The following SSPN variants were observed in gnomAD, a reference collection of about 807,000 sequenced individuals.
SSPN encodes the protein K-ras oncogene-associated protein.
SSPN carries 15 observed loss-of-function variants against 19.1 expected under a neutral mutation model. That is an observed-to-expected ratio of 0.78 (90% CI 0.52 to 1.21). SSPN has a LOEUF of 1.21. Among genes scored for constraint, SSPN ranks in the 50% most tolerant of loss-of-function variants. SSPN has a pLI of 0.00. For synonymous variants in SSPN, 147 were observed against 140.3 expected (o/e 1.05, Z -0.34); for missense variants, 291 against 314.0 (o/e 0.93, Z 0.55).
rs1411054115 is a variant in SSPN, at chr12:26,152,191, G to A, written c.-31+30039G>A. On this transcript the variant is annotated intron_variant, in intron 1 of 2. Transcript: ENST00000538142. ...TCCATGGTGTAAATACTCCCACCGT[G>A]GCTAATTTAAAGCAACCGATGTGAG... 1.2e-4 allele frequency among the ~76,000 whole-genome samples: 19 copies of A among 152,082 alleles called. 1 individual carries two copies. Among genetic ancestry groups the A allele is most frequent in the Non-Finnish European group, 2.9e-5 (2 of 68,022 alleles).
Position 26,231,890 on chromosome 12 carries a change from G to T in SSPN, c.*814G>T, listed in dbSNP as rs1000184821. 2 of 942,992 alleles carry T rather than the reference G, an allele frequency of 2.1e-6. No individual in the cohort carries two copies. Among genetic ancestry groups the T allele is most frequent in the African/African-American group, 3.6e-5 (2 of 56,316 alleles). The allele number at this position is 942,992 out of a possible 1,614,324, so 58.4% of individuals were successfully genotyped here. ...TAATTGTTAATTATAATTATGCTCAGAAGTCTATTTAATGAGCTCTGACTG... is the reference window on the plus strand; with the variant it reads ...TAATTGTTAATTATAATTATGCTCATAAGTCTATTTAATGAGCTCTGACTG... On this transcript the variant is annotated 3_prime_UTR_variant, in exon 3 of 3. Coordinates refer to ENST00000242729, the MANE Select transcript of SSPN (RefSeq NM_005086.5).
At chr12:26,125,700 G>T (rs1384836948) in intron 1 of SSPN, 1 of 152,150 alleles carries the variant, frequency 6.6e-6, no homozygotes, top group Non-Finnish European at 1.5e-5. Flanking sequence ...AGCCGGAATT[G>T]CGGTGCCACT....
At chr12:26,124,492 T>C (rs1944344962) in intron 1 of SSPN, 4 of 1,606,742 alleles carry the variant, frequency 2.5e-6, no homozygotes, top group African/African-American at 2.7e-5. Context: ...ATGCAGGTTA[T>C]GAGGAATATC....
chr12:26,174,098 A>G (rs1468070022), intron 1 of SSPN, among the ~76,000 whole-genome samples: 1 of 152,210 alleles, frequency 6.6e-6, no homozygotes, highest in East Asian at 1.9e-4. Context: ...TCAGTCACCA[A>G]GAAGATAAAT....
chr12:26,196,802 C>G (rs1377095240), intron 1 of SSPN, among the ~76,000 whole-genome samples: 1 of 152,200 alleles, frequency 6.6e-6, no homozygotes, highest in Non-Finnish European at 1.5e-5. Flanking sequence ...GAACCCAGGC[C>G]AGACTCACCC....
At chr12:26,203,899 AGAG>A (rs1944907697) in intron 1 of SSPN, among the ~76,000 whole-genome samples, 1 of 152,172 alleles carries the variant, frequency 6.6e-6, no homozygotes, top group Non-Finnish European at 1.5e-5. Flanking sequence ...ATGCATGTGA[AGAG>A]AAGAAGAGAT....
chr12:26,203,988 T>A (rs1591879210), intron 1 of SSPN, among the ~76,000 whole-genome samples: 1 of 152,316 alleles, frequency 6.6e-6, no homozygotes, highest in East Asian at 1.9e-4. Context: ...TTATTTAACC[T>A]TAATTACCTC....
At chr12:26,158,716 G>C (rs1400949115) in intron 1 of SSPN, among the ~76,000 whole-genome samples, 1 of 152,280 alleles carries the variant, frequency 6.6e-6, no homozygotes, top group Non-Finnish European at 1.5e-5. Context: ...TCCTGCAGCA[G>C]ACCCCTGGAA....
At chr12:26,212,724 C>T (rs1945003038) in intron 1 of SSPN, among the ~76,000 whole-genome samples, 1 of 151,984 alleles carries the variant, frequency 6.6e-6, no homozygotes, top group African/African-American at 2.4e-5. Flanking sequence ...GAAAATCTTC[C>T]AGATATATCA....
chr12:26,189,784 C>T (rs1944776697), intron 1 of SSPN, among the ~76,000 whole-genome samples: 1 of 152,138 alleles, frequency 6.6e-6, no homozygotes, highest in Non-Finnish European at 1.5e-5. Context: ...AAAAGGTAAC[C>T]AATGACCACC....
intron 1 of SSPN, among the ~76,000 whole-genome samples, chr12:26,201,009 GTGTATA>G (rs1375173661): frequency 1.3e-4 from 6 of 47,384 alleles, no homozygotes; most frequent in South Asian, 6.5e-4. Flanking sequence ...AAGTTAATTT[GTGTATA>G]TATATATATA....
intron 1 of SSPN, among the ~76,000 whole-genome samples, chr12:26,175,424 A>G (rs542844129): frequency 5.9e-5 from 9 of 152,264 alleles, no homozygotes; most frequent in African/African-American, 2.2e-4. Context: ...AGTTCTTTAT[A>G]TATTCTGGAT....
In SSPN at chr12:26,233,514, C is replaced by T. The variant is rs774289562; in HGVS notation, c.*2438C>T. The T allele has an allele frequency of 6.6e-6, 1 of 152,102 alleles. No individual in the cohort carries two copies. The allele number at this position is 152,102 out of a possible 1,614,324, so 9.4% of individuals were successfully genotyped here. On this transcript the variant is annotated 3_prime_UTR_variant, in exon 3 of 3. Coordinates refer to ENST00000242729, the MANE Select transcript of SSPN (RefSeq NM_005086.5). The surrounding 1 kb of genome is among the most constrained non-coding windows in gnomAD (Gnocchi z 4.3). Reference sequence around the variant, plus strand: ...AGAAAAGATCCCTTTGCTATGAGCTCGCTGTATATTGATAAGTGTAAGAAT... The same window carrying T: ...AGAAAAGATCCCTTTGCTATGAGCTTGCTGTATATTGATAAGTGTAAGAAT...
chr12:26,198,435 T>C (rs1440909677), intron 1 of SSPN, among the ~76,000 whole-genome samples: 2 of 152,224 alleles, frequency 1.3e-5, no homozygotes, highest in African/African-American at 4.8e-5. Context: ...AGAATGATAA[T>C]AATTCCTACC....
chr12:26,196,050 C>G (rs988075252), intron 1 of SSPN, 99 bp downstream of exon 1: 14 of 1,018,456 alleles, frequency 1.4e-5, no homozygotes, highest in Non-Finnish European at 1.7e-5. Context: ...TGCCCTTCCC[C>G]GGGTTCACTC....
intron 1 of SSPN, among the ~76,000 whole-genome samples, chr12:26,188,241 A>G (rs1199521584): frequency 6.6e-6 from 1 of 152,214 alleles, no homozygotes; most frequent in Non-Finnish European, 1.5e-5. Context: ...TGTACTCATA[A>G]CCACATAAAA....
At chr12:26,179,723 G>A (rs1944706386) in intron 1 of SSPN, among the ~76,000 whole-genome samples, 1 of 152,108 alleles carries the variant, frequency 6.6e-6, no homozygotes, top group Admixed American at 6.5e-5. Context: ...CTACCTGAAA[G>A]TCATTAAAAT....
rs57948457 is a variant in SSPN at position 26,173,488 on chromosome 12, C to G, written c.-30-50805C>G. Among the ~76,000 whole-genome samples the G allele has an allele frequency of 5.3e-4, 80 of 152,296 alleles. No homozygotes were observed. The East Asian group carries it at 0.013, about 26-fold the overall frequency. ...CCAGGGCCTCTTCTGCTATCATGCT[C>G]TTTTTCTTTTTCCATTGTCCAGATA... On this transcript the variant is annotated intron_variant, in intron 1 of 2. Coordinates refer to the SSPN transcript ENST00000538142.
At chr12:26,122,770 G>C (rs1165368086) in intron 1 of SSPN, 1 of 1,590,980 alleles carries the variant, frequency 6.3e-7, no homozygotes, top group Non-Finnish European at 8.5e-7. Context: ...CGGTCCGGCC[G>C]GGCCTCGGCT....
Sources: allele counts gnomAD v4.1 joint callset (sites outside exome capture counted in the v4.1 genomes callset), GRCh38; gene constraint gnomAD v4.1.1; non-coding constraint Gnocchi (gnomAD v3.1); transcripts MANE v1.5; gene names NCBI Gene and HGNC (gene_info 2026-07-23, HGNC 2026-07-21).